Variants in METTL21A observed in about 807,000 individuals in gnomAD.
The protein encoded by METTL21A is protein N-lysine methyltransferase METTL21A.
In METTL21A, 22 loss-of-function variants were observed where a neutral mutation model predicts 20.9. That is an observed-to-expected ratio of 1.05 (90% CI 0.75 to 1.50). The LOEUF is 1.50. METTL21A is among the 40% of genes most tolerant of loss of function. The pLI, the probability that METTL21A is intolerant of heterozygous loss-of-function variation, is 0.00. For missense variants in METTL21A, 271 were observed against 266.8 expected (o/e 1.02, Z -0.11); for synonymous variants, 93 against 102.0 (o/e 0.91, Z 0.53).
At chr2:207,619,190 T>A (rs1425928372) in intron 3 of METTL21A, among the ~76,000 whole-genome samples, 2 of 125,806 alleles carry the variant, frequency 1.6e-5, no homozygotes, top group Admixed American at 8.1e-5. Flanking sequence ...TTTTTTTTTT[T>A]AATCTTCTTT....
In METTL21A at chr2:207,621,949, G is replaced by A. The variant is rs201796144; in HGVS notation, c.148-32C>T. 1.3e-5 allele frequency: 21 copies of A among 1,586,378 alleles called. No individual in the cohort carries two copies. In the Admixed American group the frequency reaches 2.3e-4, roughly 18 times the overall value. ...GAAAACACAGTGTGATGACGATTAA[G>A]GTCAACATGTGCTTGAGTAGCTGCA... On this transcript the variant is annotated intron_variant, in intron 2 of 3. Coordinates refer to ENST00000406927, the Ensembl canonical transcript of METTL21A.
At chr2:207,615,102 C>T (rs1297813351) in intron 3 of METTL21A, among the ~76,000 whole-genome samples, 2 of 152,208 alleles carry the variant, frequency 1.3e-5, no homozygotes, top group Non-Finnish European at 2.9e-5. Context: ...GAACCTACCA[C>T]TTTGACCATT....
At chr2:207,590,119 G>T (rs1349802141) in intron 3 of METTL21A, among the ~76,000 whole-genome samples, 31 of 144,130 alleles carry the variant, frequency 2.2e-4, no homozygotes, top group African/African-American at 8.1e-4. Flanking sequence ...ATAGATACGG[G>T]ATCATTCAGA....
At position 207,595,099 on chromosome 2, in the gene METTL21A, G is replaced by A. The variant is rs564413524; in HGVS notation, c.260-12939C>T. ...CAACCTCTGCCTCCCGGGTTTAAGT[G>A]ATTCTCCTGCCTCAGCCTCCTGAGT... On this transcript the variant is annotated intron_variant, in intron 3 of 3. Coordinates refer to the METTL21A transcript ENST00000425132. Among the ~76,000 whole-genome samples the A allele has an allele frequency of 6.7e-5, 10 of 149,798 alleles. No individual in the cohort carries two copies. The South Asian group carries it at 1.7e-3, about 25-fold the overall frequency.
chr2:207,601,626 T>C (rs1309563987), intron 3 of METTL21A: 7 of 209,466 alleles, frequency 3.3e-5, no homozygotes, highest in Non-Finnish European at 6.8e-5. Context: ...AAAATATCCA[T>C]TAATTTGTCT....
At chr2:207,617,810 G>A (rs1023192763) in intron 3 of METTL21A, among the ~76,000 whole-genome samples, 2 of 152,162 alleles carry the variant, frequency 1.3e-5, no homozygotes. Flanking sequence ...CAGTGGGAGT[G>A]GACAGAGAGA....
intron 3 of METTL21A, chr2:207,582,989 A>G (rs1263454497): frequency 1.3e-5 from 2 of 155,010 alleles, no homozygotes; most frequent in Non-Finnish European, 2.9e-5. Context: ...GTATCTTTAT[A>G]TATAGTTGGC....
At chr2:207,622,423 G>C (rs990284947) in intron 2 of METTL21A, among the ~76,000 whole-genome samples, 2 of 152,144 alleles carry the variant, frequency 1.3e-5, no homozygotes. Flanking sequence ...GCTTCCCAAA[G>C]TGCTAGGATT....
intron 3 of METTL21A, among the ~76,000 whole-genome samples, chr2:207,617,515 C>T (rs2089931504): frequency 6.6e-6 from 1 of 152,254 alleles, no homozygotes; most frequent in African/African-American, 2.4e-5. Flanking sequence ...GTCCCAGGAA[C>T]TTCATGCACT....
chr2:207,595,470 T>C (rs1049353245), intron 3 of METTL21A, among the ~76,000 whole-genome samples: 1 of 152,042 alleles, frequency 6.6e-6, no homozygotes, highest in Non-Finnish European at 1.5e-5. Context: ...TCCCAAGCTG[T>C]GGTATAGTGG....
chr2:207,624,439 C>A lies in METTL21A; in HGVS notation c.-29-35G>T. 10 of 1,532,628 alleles carry A rather than the reference C, an allele frequency of 6.5e-6. No individual in the cohort carries two copies. In the East Asian group the frequency reaches 2.4e-4, roughly 36 times the overall value. The allele number at this position is 1,532,628 out of a possible 1,614,324, so 94.9% of individuals were successfully genotyped here. A position where few individuals can be genotyped will look rare whatever the true frequency, so the allele number is the denominator to read the frequency against. ...AAAAGAATCCTGGGTGACGCTCTGG[C>A]CAAAAGATACATTATCTGTTCTTAA... On this transcript the variant is annotated intron_variant, in intron 1 of 3. Transcript: ENST00000406927.
chr2:207,607,483 A>G (rs1302127886), downstream of METTL21A, among the ~76,000 whole-genome samples: 1 of 151,606 alleles, frequency 6.6e-6, no homozygotes, highest in African/African-American at 2.4e-5. Flanking sequence ...ATTTGCTAAG[A>G]TAAAACATTC....
chr2:207,600,991 CT>C (rs1337080625), intron 3 of METTL21A: 1 of 182,642 alleles, frequency 5.5e-6, no homozygotes, highest in Non-Finnish European at 1.1e-5. Context: ...AAATTGGTCT[CT>C]GTTTATTTTG....
chr2:207,607,543 G>A (rs2088300499), downstream of METTL21A, among the ~76,000 whole-genome samples: 1 of 150,742 alleles, frequency 6.6e-6, no homozygotes, highest in African/African-American at 2.4e-5. Flanking sequence ...TCAGTTAACA[G>A]ATAAAAGCAT....
downstream of METTL21A, among the ~76,000 whole-genome samples, chr2:207,605,227 CT>C (rs1051641250): frequency 2.0e-4 from 31 of 152,180 alleles, no homozygotes; most frequent in African/African-American, 7.5e-4. Flanking sequence ...TTCACCAACA[CT>C]TATTTTGCCA....
At chr2:207,595,283 C>T (rs753392211) in intron 3 of METTL21A, among the ~76,000 whole-genome samples, 10 of 151,746 alleles carry the variant, frequency 6.6e-5, no homozygotes, top group Non-Finnish European at 8.8e-5. Context: ...CATGAGCCAC[C>T]GCACCCAGCC....
chr2:207,600,238 C>CATATATATATAT (rs71036937), intron 3 of METTL21A: 7 of 145,178 alleles, frequency 4.8e-5, no homozygotes, highest in Admixed American at 7.2e-5. Context: ...TATATGTGTA[C>CATATATATATAT]ATATATATAT....
chr2:207,584,388 T>C (rs1252205818), intron 3 of METTL21A, among the ~76,000 whole-genome samples: 1 of 152,192 alleles, frequency 6.6e-6, no homozygotes, highest in African/African-American at 2.4e-5. Flanking sequence ...TGGTTTTAAC[T>C]TGCACTTCAC....
chr2:207,620,346 G>A (rs1398572294), intron 3 of METTL21A, among the ~76,000 whole-genome samples: 1 of 152,042 alleles, frequency 6.6e-6, no homozygotes, highest in East Asian at 1.9e-4. Context: ...GGGAAACTAA[G>A]GCAGGAGAAT....
Sources: allele counts gnomAD v4.1 joint callset (sites outside exome capture counted in the v4.1 genomes callset), GRCh38; gene constraint gnomAD v4.1.1; transcripts MANE v1.5; gene names NCBI Gene and HGNC (gene_info 2026-07-23, HGNC 2026-07-21).